PKD1L1: variants seen among roughly 807,000 people sequenced by gnomAD.
PKD1L1 encodes polycystin-1-like protein 1.
A neutral mutation model predicts 323.4 loss-of-function variants in PKD1L1; 236 were observed. That is an observed-to-expected ratio of 0.73 (90% CI 0.66 to 0.81). The LOEUF (loss-of-function observed/expected upper bound fraction) is 0.81, where lower values mean the gene tolerates loss of function less well. Ranked by LOEUF, PKD1L1 falls within the 40% of genes least tolerant of loss-of-function variation. The pLI, the probability that PKD1L1 is intolerant of heterozygous loss-of-function variation, is 0.00. For synonymous variants in PKD1L1, 1,344 were observed against 1,335.0 expected, an observed-to-expected ratio of 1.01 and a Z score of -0.15; for missense variants, 3,320 against 3,508.0, an observed-to-expected ratio of 0.95 and a Z score of 1.35.
At chr7:47,816,168 G>A (rs565120263) in intron 46 of PKD1L1, among the ~76,000 whole-genome samples, 1 of 152,390 alleles carries the variant, frequency 6.6e-6, no homozygotes, top group African/African-American at 2.4e-5. Flanking sequence ...CGCAGCATGT[G>A]ACTGGCCTCC....
At chr7:47,948,854 G>T (rs553361628), upstream of PKD1L1, among the ~76,000 whole-genome samples, 1 of 152,200 alleles carries the variant, frequency 6.6e-6, no homozygotes, top group Non-Finnish European at 1.5e-5. Context: ...TTACCCAGGA[G>T]GCTCAGGCGA....
At chr7:47,902,590 C>T (rs1787117054) in intron 12 of PKD1L1, 79 bp from the exon 13 acceptor site, 18 of 1,484,058 alleles carry the variant, frequency 1.2e-5, no homozygotes, top group East Asian at 4.6e-5. Flanking sequence ...CATACCCACT[C>T]ATATCTGCAG....
chr7:47,802,053 T>C (rs1194653506), intron 53 of PKD1L1, among the ~76,000 whole-genome samples: 1 of 151,878 alleles, frequency 6.6e-6, no homozygotes, highest in African/African-American at 2.4e-5. Context: ...TAGCCACACA[T>C]GGTGGTGTGT....
chr7:47,944,213 C>T (rs529065566), intron 1 of PKD1L1, among the ~76,000 whole-genome samples: 2 of 152,268 alleles, frequency 1.3e-5, no homozygotes, highest in South Asian at 2.1e-4. Context: ...TGGCTTGGTG[C>T]TGTCTTTGTG....
chr7:47,922,663 C>A lies in PKD1L1; in HGVS notation c.1060+6541G>T, dbSNP rs931921423. Among the ~76,000 whole-genome samples the A allele has an allele frequency of 2.0e-5, 3 of 150,688 alleles. No homozygotes were observed. In the East Asian group the frequency reaches 5.9e-4, roughly 30 times the overall value. On this transcript the variant is annotated intron_variant, in intron 7 of 56. Coordinates refer to ENST00000289672, the MANE Select transcript of PKD1L1 (RefSeq NM_138295.5). Reference sequence around the variant, plus strand: ...CCGCCCCGTCTGAGAAGTGAGGAGCCCCTCCGCCCGGCAGCTGCCCCGTCT... The same window carrying A: ...CCGCCCCGTCTGAGAAGTGAGGAGCACCTCCGCCCGGCAGCTGCCCCGTCT...
intron 7 of PKD1L1, among the ~76,000 whole-genome samples, 161 bp downstream of exon 7, chr7:47,929,043 G>A (rs148159874): frequency 3.3e-5 from 5 of 152,258 alleles, no homozygotes; most frequent in African/African-American, 2.4e-5. Flanking sequence ...ACCCACCTAC[G>A]TCCGCAGTGT....
Position 47,774,983 on chromosome 7 carries a change from C to T in PKD1L1, c.*160G>A. ...TGACAGATAAACCTTGATTTTCATC[C>T]TGGTTTCCCATTTACTTGTTACGTG... On this transcript the variant is annotated 3_prime_UTR_variant, in exon 57 of 57. Transcript: ENST00000289672. The T allele has an allele frequency of 4.1e-6, 3 of 724,610 alleles. No individual in the cohort carries two copies. The South Asian group carries it at 5.3e-5, about 13-fold the overall frequency. 44.9% of individuals were successfully genotyped at this position (724,610 alleles called of 1,614,324 possible).
chr7:47,819,841 G>A (rs1453286), intron 46 of PKD1L1: 216,887 of 219,284 alleles, frequency 0.99, 107,326 homozygotes, highest in East Asian at 1. Context: ...TAATTGATAA[G>A]ATTAAATTGA....
At chr7:47,810,174 T>A (rs1562940482) in intron 50 of PKD1L1, among the ~76,000 whole-genome samples, 1 of 152,180 alleles carries the variant, frequency 6.6e-6, no homozygotes, top group African/African-American at 2.4e-5. Flanking sequence ...ATCTTCTCTG[T>A]CCTCTGTTGG....
intron 21 of PKD1L1, 85 bp from the exon 22 acceptor site, chr7:47,877,716 A>C (rs1214549368): frequency 6.8e-7 from 1 of 1,461,360 alleles, no homozygotes; most frequent in Non-Finnish European, 9.2e-7. Flanking sequence ...TAAACCTTAT[A>C]GCAGGGGTTC....
rs553836413 is a variant in PKD1L1, at chr7:47,814,109, T to A, written c.7090-95A>T. 1.9e-4 allele frequency: 174 copies of A among 898,290 alleles called. 1 individual carries two copies. The African/African-American group carries it at 2.8e-3, about 14-fold the overall frequency. 55.6% of individuals were successfully genotyped at this position (898,290 alleles called of 1,614,324 possible). A position where few individuals can be genotyped will look rare whatever the true frequency, so the allele number is the denominator to read the frequency against. ...CAAAAGGCGTGGGGCTCTGGGTAAC[T>A]CCACCTGCTACCATAGAGGTCAGAG... On this transcript the variant is annotated intron_variant, in intron 47 of 56. Coordinates refer to ENST00000289672, the MANE Select transcript of PKD1L1 (RefSeq NM_138295.5).
intron 28 of PKD1L1, among the ~76,000 whole-genome samples, chr7:47,856,986 C>T (rs927781789): frequency 1.3e-5 from 2 of 152,204 alleles, no homozygotes; most frequent in Non-Finnish European, 2.9e-5. Context: ...CACAAAGCTT[C>T]CGAGTGAATG....
chr7:47,855,045 A>G lies in PKD1L1; in HGVS notation c.4702-6T>C. On this transcript the variant is annotated splice_region_variant and splice_polypyrimidine_tract_variant and intron_variant, in intron 29 of 56. Transcript: ENST00000289672. ...GTTTTATTTCTCCTATTATCCTGTC[A>G]TCACAAAGAAAACAAGTTAAGCAAA... 2 of 1,609,708 alleles carry G rather than the reference A, an allele frequency of 1.2e-6. No individual in the cohort carries two copies. The highest frequency in any genetic ancestry group is 2.2e-5 in the South Asian group (2 of 90,258).
upstream of PKD1L1, among the ~76,000 whole-genome samples, chr7:47,949,136 C>G (rs62447092): frequency 1.3e-5 from 2 of 150,850 alleles, no homozygotes; most frequent in African/African-American, 4.9e-5. Flanking sequence ...TTTGGGAGGT[C>G]GAGGTGGGCG....
chr7:47,823,134 C>T (rs1318737703), intron 45 of PKD1L1, among the ~76,000 whole-genome samples: 1 of 152,068 alleles, frequency 6.6e-6, no homozygotes, highest in East Asian at 1.9e-4. Context: ...ACATTTTTGC[C>T]TTGTTTGATA....
rs147899329 is a variant in PKD1L1, at chr7:47,871,349, A to T, written c.3896+2550T>A. On this transcript the variant is annotated intron_variant, in intron 24 of 56. Coordinates refer to ENST00000289672, the MANE Select transcript of PKD1L1 (RefSeq NM_138295.5). Reference sequence around the variant, plus strand: ...TTTGGAGTCTGGGAAGTCTAAGATCAAGACACTAATAGGCTCAGTGTCTGG... The same window carrying T: ...TTTGGAGTCTGGGAAGTCTAAGATCTAGACACTAATAGGCTCAGTGTCTGG... Among the ~76,000 whole-genome samples, 635 of 152,320 alleles carry T rather than the reference A, an allele frequency of 4.2e-3. 15 individuals are homozygous for T. The highest frequency in any genetic ancestry group is 0.038 in the Admixed American group (586 of 15,306).
intron 17 of PKD1L1, among the ~76,000 whole-genome samples, 174 bp from the exon 18 acceptor site, chr7:47,886,228 G>C (rs971432713): frequency 6.6e-6 from 1 of 152,150 alleles, no homozygotes; most frequent in Non-Finnish European, 1.5e-5. Flanking sequence ...GTTCTGTGTT[G>C]GCATGTTGGC....
chr7:47,830,271 T>C (rs888680925), intron 42 of PKD1L1, 147 bp from the exon 43 acceptor site: 2 of 649,408 alleles, frequency 3.1e-6, no homozygotes, highest in Middle Eastern at 4.2e-4. Flanking sequence ...GTGCTGGACA[T>C]GGGCAGTGTC....
intron 56 of PKD1L1, among the ~76,000 whole-genome samples, chr7:47,782,243 G>A (rs1474981621): frequency 6.6e-6 from 1 of 152,108 alleles, no homozygotes; most frequent in East Asian, 1.9e-4. Context: ...GGGTGTTGTA[G>A]GTCCTTCAAA....
Sources: gnomAD v4.1 joint callset for allele counts (sites outside exome capture counted in the v4.1 genomes callset) on GRCh38, gnomAD v4.1.1 for gene constraint, MANE v1.5 for transcripts, NCBI Gene and HGNC (gene_info 2026-07-23, HGNC 2026-07-21) for gene names.